Variants in NEMP2 observed in about 807,000 individuals in gnomAD.
NEMP2 encodes the protein UPF0571 transmembrane protein.
A neutral mutation model predicts 54.2 loss-of-function variants in NEMP2; 53 were observed. That is an observed-to-expected ratio of 0.98 (90% CI 0.78 to 1.23). The LOEUF is 1.23. Ranked by LOEUF, NEMP2 falls within the 50% of genes most tolerant of loss-of-function variation. NEMP2 has a pLI of 0.00. For synonymous variants in NEMP2, 197 were observed against 190.3 expected (o/e 1.04, Z -0.29); for missense variants, 455 against 511.3 (o/e 0.89, Z 1.06).
the NEMP2 span, among the ~76,000 whole-genome samples, chr2:190,553,872 C>A: frequency 6.6e-6 from 1 of 152,162 alleles, no homozygotes; most frequent in East Asian, 1.9e-4. Flanking sequence ...AGATTGCTGG[C>A]AAGATGGCTG....
At chr2:190,633,832 A>G in the NEMP2 span, among the ~76,000 whole-genome samples, 1 of 152,204 alleles carries the variant, frequency 6.6e-6, no homozygotes, top group African/African-American at 2.4e-5. Flanking sequence ...GTGACTCAGG[A>G]GACTGATAAA....
At chr2:190,486,410 CT>C in the NEMP2 span, among the ~76,000 whole-genome samples, 1 of 152,184 alleles carries the variant, frequency 6.6e-6, no homozygotes, top group Non-Finnish European at 1.5e-5. Flanking sequence ...ATGATGCTAT[CT>C]CCTCTCTGGC....
Position 190,527,798 on chromosome 2 carries a change from G to A in NEMP2, c.98-2420C>T, listed in dbSNP as rs1241342951. Among the ~76,000 whole-genome samples the A allele has an allele frequency of 6.6e-6, 1 of 152,124 alleles. No homozygotes were observed. The highest frequency in any genetic ancestry group is 1.5e-5 in the Non-Finnish European group (1 of 68,016). ...CAGCAGTGGCATTAGATTATCATAG[G>A]AGCGTGAACCTTACTGTGAACTGAG... is the stretch of plus-strand genomic sequence containing the variant. On this transcript the variant is annotated intron_variant, in intron 1 of 8. Transcript: ENST00000409150. The surrounding 1 kb of genome is among the most constrained non-coding windows in gnomAD (Gnocchi z 4.0).
intron 1 of NEMP2, among the ~76,000 whole-genome samples, chr2:190,526,467 A>C (rs1352947112): frequency 1.3e-5 from 2 of 152,256 alleles, no homozygotes; most frequent in Non-Finnish European, 2.9e-5. Flanking sequence ...TTTAGAAAGA[A>C]TATTCTGTAA....
At chr2:190,485,495 T>G in the NEMP2 span, among the ~76,000 whole-genome samples, 1 of 152,162 alleles carries the variant, frequency 6.6e-6, no homozygotes, top group East Asian at 1.9e-4. The surrounding 1 kb of genome is among the most constrained non-coding windows in gnomAD (Gnocchi z 5.1). Context: ...AATAAATTAA[T>G]TTATTTCTTG....
At chr2:190,502,208 C>T (rs1690056475), downstream of NEMP2, 1 of 152,142 alleles carries the variant, frequency 6.6e-6, no homozygotes, top group South Asian at 2.1e-4. The surrounding 1 kb of genome is among the most constrained non-coding windows in gnomAD (Gnocchi z 4.4). Flanking sequence ...CATTTCCAGC[C>T]TTGTGAGCTG....
chr2:190,489,187 GAGATTTTGAACC>G, the NEMP2 span, among the ~76,000 whole-genome samples: 1 of 152,168 alleles, frequency 6.6e-6, no homozygotes, highest in African/African-American at 2.4e-5. This position sits in a 1 kb window ranked among gnomAD's most constrained non-coding sequence, Gnocchi z 6.6. Flanking sequence ...ATTCCATTAG[GAGATTTTGAACC>G]AGAAGAATCT....
chr2:190,587,052 T>C, the NEMP2 span, among the ~76,000 whole-genome samples: 1 of 152,194 alleles, frequency 6.6e-6, no homozygotes, highest in African/African-American at 2.4e-5. This position sits in a 1 kb window ranked among gnomAD's most constrained non-coding sequence, Gnocchi z 5.4. Context: ...GAGATGCTAA[T>C]TCAATTCCCA....
chr2:190,502,637 T>A (rs1690075706), downstream of NEMP2, among the ~76,000 whole-genome samples: 1 of 152,212 alleles, frequency 6.6e-6, no homozygotes, highest in Non-Finnish European at 1.5e-5. This position sits in a 1 kb window ranked among gnomAD's most constrained non-coding sequence, Gnocchi z 4.4. Flanking sequence ...ATGGGTCACA[T>A]GAAGTGGATA....
the NEMP2 span, among the ~76,000 whole-genome samples, chr2:190,434,674 C>T: frequency 1.1e-4 from 17 of 152,248 alleles, no homozygotes; most frequent in Admixed American, 9.2e-4. This position sits in a 1 kb window ranked among gnomAD's most constrained non-coding sequence, Gnocchi z 4.3. Context: ...ACTCATGATC[C>T]GCCCCCCTCA....
chr2:190,483,184 G>A, the NEMP2 span, among the ~76,000 whole-genome samples: 3 of 151,964 alleles, frequency 2.0e-5, no homozygotes, highest in African/African-American at 7.2e-5. Flanking sequence ...GAGCCACCGC[G>A]CCCGGCCGAC....
chr2:190,607,213 A>G, the NEMP2 span, among the ~76,000 whole-genome samples: 1 of 152,180 alleles, frequency 6.6e-6, no homozygotes, highest in Non-Finnish European at 1.5e-5. This position sits in a 1 kb window ranked among gnomAD's most constrained non-coding sequence, Gnocchi z 5.2. Flanking sequence ...AGGATAAATG[A>G]CAAGTCATTT....
At chr2:190,640,088 CTCTGT>C in the NEMP2 span, among the ~76,000 whole-genome samples, 2 of 152,080 alleles carry the variant, frequency 1.3e-5, no homozygotes, top group African/African-American at 4.8e-5. Context: ...GGTTGTTTTG[CTCTGT>C]TCTATTTTTA....
At chr2:190,456,827 C>T in the NEMP2 span, among the ~76,000 whole-genome samples, 2 of 152,176 alleles carry the variant, frequency 1.3e-5, no homozygotes, top group Admixed American at 6.5e-5. This position sits in a 1 kb window ranked among gnomAD's most constrained non-coding sequence, Gnocchi z 5.4. Context: ...GATCTTTCAG[C>T]GCATTTCTTC....
chr2:190,490,359 C>A, the NEMP2 span, among the ~76,000 whole-genome samples: 1 of 151,336 alleles, frequency 6.6e-6, no homozygotes, highest in East Asian at 1.9e-4. This position sits in a 1 kb window ranked among gnomAD's most constrained non-coding sequence, Gnocchi z 4.5. Context: ...GTTAGGAGAT[C>A]AAGACCATCT....
At chr2:190,565,450 T>C in the NEMP2 span, among the ~76,000 whole-genome samples, 1 of 152,178 alleles carries the variant, frequency 6.6e-6, no homozygotes, top group Non-Finnish European at 1.5e-5. Context: ...TTGGGTTGGG[T>C]TCCTTGAGAA....
At chr2:190,561,050 C>T in the NEMP2 span, among the ~76,000 whole-genome samples, 4 of 152,168 alleles carry the variant, frequency 2.6e-5, no homozygotes, top group Admixed American at 1.3e-4. The surrounding 1 kb of genome is among the most constrained non-coding windows in gnomAD (Gnocchi z 5.4). Flanking sequence ...GCTTCTTCCT[C>T]GAGGACTAGG....
the NEMP2 span, among the ~76,000 whole-genome samples, chr2:190,637,397 T>G: frequency 1.3e-5 from 2 of 152,238 alleles, no homozygotes; most frequent in African/African-American, 2.4e-5. The surrounding 1 kb of genome is among the most constrained non-coding windows in gnomAD (Gnocchi z 4.5). Context: ...GAACTACAGC[T>G]ACAAGATAAA....
chr2:190,608,047 T>C, the NEMP2 span: 1 of 152,232 alleles, frequency 6.6e-6, no homozygotes, highest in African/African-American at 2.4e-5. This position sits in a 1 kb window ranked among gnomAD's most constrained non-coding sequence, Gnocchi z 4.9. Context: ...TTAAATTGTG[T>C]GACGTTCTCA....
Sources: gnomAD v4.1 joint callset for allele counts (sites outside exome capture counted in the v4.1 genomes callset) on GRCh38, gnomAD v4.1.1 for gene constraint, Gnocchi (gnomAD v3.1) non-coding constraint, MANE v1.5 for transcripts, NCBI Gene and HGNC (gene_info 2026-07-23, HGNC 2026-07-21) for gene names.